Variants in DST observed in about 807,000 individuals in gnomAD.
DST encodes dystonin.
DST carries 253 observed loss-of-function variants against 875.2 expected under a neutral mutation model. The ratio of observed to expected loss-of-function variants is 0.29; its 90% CI spans 0.26 to 0.32. The LOEUF (loss-of-function observed/expected upper bound fraction) is 0.32. DST is among the 10% of genes least tolerant of loss of function. The pLI, the probability that DST is intolerant of heterozygous loss-of-function variation, is 1.00. For missense variants in DST, 8,287 were observed against 9,111.6 expected, an observed-to-expected ratio of 0.91 and a Z score of 3.68; for synonymous variants, 3,124 against 3,197.1, an observed-to-expected ratio of 0.98 and a Z score of 0.77.
chr6:56,641,115 C>CAGAGAGAGAGAGAGAG (rs145412096), intron 17 of DST, among the ~76,000 whole-genome samples: 18 of 142,630 alleles, frequency 1.3e-4, no homozygotes, highest in Middle Eastern at 7.1e-3. Context: ...TATTTATGCA[C>CAGAGAGAGAGAGAGAG]AGAGAGAGAG....
chr6:56,701,136 C>T (rs369655600), intron 8 of DST, among the ~76,000 whole-genome samples: 1 of 151,914 alleles, frequency 6.6e-6, no homozygotes, highest in Non-Finnish European at 1.5e-5. Flanking sequence ...TGAGCCACCA[C>T]ACCCAGCCTC....
chr6:56,476,557 T>G (rs906467493), intron 91 of DST, among the ~76,000 whole-genome samples: 1 of 152,150 alleles, frequency 6.6e-6, no homozygotes, highest in Non-Finnish European at 1.5e-5. Context: ...TAAAGATGCA[T>G]GTCAATCACT....
intron 54 of DST, among the ~76,000 whole-genome samples, chr6:56,569,130 G>A (rs2097731977): frequency 1.3e-5 from 2 of 151,902 alleles, no homozygotes. Context: ...AGACCATCCT[G>A]GCTAACATGA....
chr6:56,778,740 TC>T (rs1474304015), intron 4 of DST, among the ~76,000 whole-genome samples: 2 of 152,030 alleles, frequency 1.3e-5, no homozygotes, highest in Non-Finnish European at 2.9e-5. Context: ...TGTATAGTAT[TC>T]CATGGTGTAT....
At chr6:56,570,322 T>A (rs2097760526) in intron 53 of DST, among the ~76,000 whole-genome samples, 1 of 152,172 alleles carries the variant, frequency 6.6e-6, no homozygotes, top group Admixed American at 6.6e-5. Context: ...GTAATATATA[T>A]TAAAATAATT....
In DST at chr6:56,463,034, G is replaced by A; in HGVS notation, c.23070+12C>T. ...GAGAATGTTAAGACTGGACTCTGGG[G>A]CCTTACAATACCTCTGCAGATGGCA... On this transcript the variant is annotated intron_variant, in intron 102 of 103. Transcript: ENST00000680361. The A allele has an allele frequency of 2.0e-6, 3 of 1,510,156 alleles. No individual in the cohort carries two copies. The highest frequency in any genetic ancestry group is 2.8e-6 in the Non-Finnish European group (3 of 1,090,052). The allele number at this position is 1,510,156 out of a possible 1,614,324, so 93.5% of individuals were successfully genotyped here.
intron 3 of DST, among the ~76,000 whole-genome samples, chr6:56,880,524 C>T (rs907363394): frequency 1.3e-4 from 20 of 151,868 alleles, no homozygotes; most frequent in Non-Finnish European, 2.2e-4. Flanking sequence ...CCTGTCTCTA[C>T]TAAAAATACA....
intron 62 of DST, 71 bp downstream of exon 62, chr6:56,536,708 G>A: frequency 1.2e-5 from 16 of 1,388,316 alleles, no homozygotes; most frequent in Non-Finnish European, 1.5e-5. Context: ...CCACAAATAT[G>A]ATTCATGGTC....
chr6:56,874,175 A>G (rs1778639363), intron 3 of DST, among the ~76,000 whole-genome samples: 2 of 152,184 alleles, frequency 1.3e-5, no homozygotes. Flanking sequence ...ATTAGTATCC[A>G]TAAAAATTAA....
At chr6:56,823,985 T>TCCTCTG (rs201469404) in intron 4 of DST, among the ~76,000 whole-genome samples, 3,529 of 152,152 alleles carry the variant, frequency 0.023, 118 homozygotes, top group African/African-American at 0.076. Flanking sequence ...ATAAAAAATA[T>TCCTCTG]CCTCTGCCTC....
chr6:56,787,122 G>A (rs2099706934), intron 4 of DST, among the ~76,000 whole-genome samples: 1 of 152,156 alleles, frequency 6.6e-6, no homozygotes, highest in South Asian at 2.1e-4. Context: ...TGAGGAACTG[G>A]AGACACAAAA....
intron 15 of DST, among the ~76,000 whole-genome samples, chr6:56,643,357 C>T (rs1478013773): frequency 6.6e-6 from 1 of 152,214 alleles, no homozygotes; most frequent in African/African-American, 2.4e-5. Context: ...ATTTTAACCA[C>T]CATGTCATTT....
chr6:56,469,293 G>A (rs374152786), intron 97 of DST, among the ~76,000 whole-genome samples: 1 of 151,714 alleles, frequency 6.6e-6, no homozygotes, highest in Non-Finnish European at 1.5e-5. Flanking sequence ...GTAGCACACT[G>A]TATTGGGGAA....
chr6:56,602,744 T>C, intron 43 of DST, 138 bp downstream of exon 43: 1 of 596,026 alleles, frequency 1.7e-6, no homozygotes, highest in Non-Finnish European at 2.6e-6. Context: ...GTGTCAACTA[T>C]GAATAAAGAC....
chr6:56,783,918 T>C (rs2099699725), intron 4 of DST, among the ~76,000 whole-genome samples: 2 of 152,320 alleles, frequency 1.3e-5, no homozygotes, highest in Admixed American at 1.3e-4. Flanking sequence ...AGGGCAGGCC[T>C]GGTGGTGACA....
At chr6:56,734,110 G>C (rs1469069205) in intron 5 of DST, among the ~76,000 whole-genome samples, 2 of 152,212 alleles carry the variant, frequency 1.3e-5, no homozygotes, top group Non-Finnish European at 2.9e-5. Context: ...CTTGAGAGAG[G>C]ACAGATGAAC....
chr6:56,778,814 T>C (rs973103087), intron 4 of DST, among the ~76,000 whole-genome samples: 16 of 152,058 alleles, frequency 1.1e-4, no homozygotes, highest in Non-Finnish European at 1.8e-4. Context: ...TCCAAGTCTT[T>C]GCTGTTGTGA....
At position 56,787,567 on chromosome 6, in the gene DST, G is replaced by A. The variant is rs1452531247; in HGVS notation, c.626-52278C>T. Among the ~76,000 whole-genome samples the A allele has an allele frequency of 2.0e-5, 3 of 152,292 alleles. No homozygotes were observed. In the East Asian group the frequency reaches 5.8e-4, roughly 29 times the overall value. ...GATTGGCATGGACAAATATGAAATT[G>A]TAACACAAACCACAAAAAATAATAT... On this transcript the variant is annotated intron_variant, in intron 4 of 103. Coordinates refer to ENST00000680361, the MANE Select transcript of DST (RefSeq NM_001374736.1).
chr6:56,874,325 C>T (rs934026354), intron 3 of DST, among the ~76,000 whole-genome samples: 3 of 151,940 alleles, frequency 2.0e-5, no homozygotes, highest in Non-Finnish European at 2.9e-5. Context: ...GGCATCACAG[C>T]GAGATCCCAT....
Sources: allele counts gnomAD v4.1 joint callset (sites outside exome capture counted in the v4.1 genomes callset), GRCh38; gene constraint gnomAD v4.1.1; transcripts MANE v1.5; gene names NCBI Gene and HGNC (gene_info 2026-07-23, HGNC 2026-07-21).